HIVEP1: variants seen among roughly 807,000 people sequenced by gnomAD.
HIVEP1 encodes the protein HIVEP zinc finger 1.
Under a neutral mutation model 180.0 loss-of-function variants are expected in HIVEP1, and 36 were observed. The observed-to-expected ratio is 0.20, with a 90% CI of 0.15 to 0.26. The LOEUF (loss-of-function observed/expected upper bound fraction) is 0.26, where lower values mean the gene tolerates loss of function less well. Ranked by LOEUF, HIVEP1 falls within the 10% of genes least tolerant of loss-of-function variation. HIVEP1 has a pLI of 1.00. For missense variants in HIVEP1, 3,143 were observed against 3,268.7 expected (o/e 0.96, Z 0.94); for synonymous variants, 1,239 against 1,239.0 (o/e 1.00, Z 0.00).
downstream of HIVEP1, among the ~76,000 whole-genome samples, chr6:12,167,796 A>G (rs189463502): frequency 1.9e-3 from 267 of 144,282 alleles, 1 homozygote; most frequent in African/African-American, 6.6e-3. Context: ...TATAATATAT[A>G]CACATGTACA....
rs762706100 is a variant in HIVEP1 at position 12,123,069 on chromosome 6, C to T, written c.3274C>T (p.His1092Tyr). The change falls in exon 4 of 9, where the codon CAT becomes TAT. Residue 1092 changes from histidine (H) to tyrosine (Y), a missense_variant. By Grantham distance (83) the His-to-Tyr change is moderately conservative. Around this residue, in one of 12 missense-constraint regions of HIVEP1, gnomAD observed 1,357 missense variants for 1,260.5 expected, o/e 1.08. Transcript: ENST00000379388. The part of the protein sequence containing the change: ...QHKNIQLQNS[H>Y]IHLVARGPEQ... ...TAAAAATATACAGTTGCAAAACTCC[C>T]ATATTCACCTTGTTGCCAGGGGCCC... is the stretch of plus-strand genomic sequence containing the variant. The T allele has an allele frequency of 6.2e-7, 1 of 1,614,174 alleles. No individual in the cohort carries two copies. Among genetic ancestry groups the T allele is most frequent in the South Asian group, 1.1e-5 (1 of 91,082 alleles).
chr6:12,146,071 T>A (rs539521305), intron 7 of HIVEP1, among the ~76,000 whole-genome samples: 3 of 152,298 alleles, frequency 2.0e-5, no homozygotes, highest in South Asian at 2.1e-4. Flanking sequence ...AACCTTTTTT[T>A]AAAAAGGACA....
intron 2 of HIVEP1, among the ~76,000 whole-genome samples, chr6:12,081,628 C>G (rs1772794283): frequency 6.6e-6 from 1 of 152,120 alleles, no homozygotes; most frequent in South Asian, 2.1e-4. Context: ...CCTTGCCGCT[C>G]CACACCTCTT....
At chr6:12,179,750 C>T in the HIVEP1 span, among the ~76,000 whole-genome samples, 8 of 152,134 alleles carry the variant, frequency 5.3e-5, no homozygotes, top group Non-Finnish European at 1.2e-4. Context: ...ATGTAATACA[C>T]ATAAGCAAAA....
chr6:12,034,612 GGAGA>G (rs1769162764), intron 2 of HIVEP1, among the ~76,000 whole-genome samples: 2 of 152,206 alleles, frequency 1.3e-5, no homozygotes, highest in African/African-American at 4.8e-5. Flanking sequence ...GACTGGGAAA[GGAGA>G]ACAGTGTTTT....
At chr6:12,048,433 A>G (rs12210350) in intron 2 of HIVEP1, among the ~76,000 whole-genome samples, 36,416 of 152,136 alleles carry the variant, frequency 0.24, 4,893 homozygotes, top group East Asian at 0.57. Context: ...CCAATACTCT[A>G]CCTCTCTCCA....
intron 7 of HIVEP1, among the ~76,000 whole-genome samples, chr6:12,137,080 C>T (rs189221658): frequency 8.5e-5 from 13 of 152,196 alleles, no homozygotes; most frequent in Admixed American, 8.5e-4. Context: ...AATGAATCAG[C>T]CTGAATTTAC....
chr6:12,045,775 T>G (rs1312281366), intron 2 of HIVEP1, among the ~76,000 whole-genome samples: 3 of 152,258 alleles, frequency 2.0e-5, no homozygotes, highest in African/African-American at 7.2e-5. Flanking sequence ...AATTGCCTTA[T>G]AATTTTAACA....
Position 12,123,098 on chromosome 6 carries a change from G to A in HIVEP1, c.3303G>A (p.Glu1101=), listed in dbSNP as rs1757791718. Residue 1101 remains glutamate, a synonymous_variant, in exon 4 of 9, where the codon GAG becomes GAA. Transcript: ENST00000379388. Reference sequence around the variant, plus strand: ...TTCACCTTGTTGCCAGGGGCCCTGAGCAGACCATGGATCCCAAGCTGTCGA... The same window carrying A: ...TTCACCTTGTTGCCAGGGGCCCTGAACAGACCATGGATCCCAAGCTGTCGA... ...SHIHLVARGP[E]QTMDPKLSTI... The A allele has an allele frequency of 6.2e-7, 1 of 1,614,042 alleles. No homozygotes were observed. The highest frequency in any genetic ancestry group is 1.1e-5 in the South Asian group (1 of 91,084).
intron 2 of HIVEP1, among the ~76,000 whole-genome samples, chr6:12,039,713 G>A (rs1769543728): frequency 6.6e-6 from 1 of 152,310 alleles, no homozygotes; most frequent in South Asian, 2.1e-4. Context: ...CTCAGGGAAC[G>A]ACCTCATTGG....
rs1276641990 is a variant in HIVEP1 at position 12,164,175 on chromosome 6, A to T, written c.7871A>T (p.His2624Leu). The change falls in exon 9 of 9, where the codon CAT becomes CTT. Residue 2624 changes from histidine (H) to leucine (L), a missense_variant. By Grantham distance (99) the His-to-Leu change is moderately conservative (BLOSUM62 -3). Coordinates refer to ENST00000379388, the MANE Select transcript of HIVEP1 (RefSeq NM_002114.4). ...VLNPPAPAGD[H>L]ARLDGLSKMD... is the part of the protein sequence containing the mutation. ...AATCCACCTGCCCCTGCAGGTGACC[A>T]TGCAAGGCTTGATGGCCTGAGTAAA... The T allele has an allele frequency of 1.2e-6, 2 of 1,614,200 alleles. No individual in the cohort carries two copies. The highest frequency in any genetic ancestry group is 1.1e-5 in the South Asian group (1 of 91,084).
chr6:12,187,423 G>A, the HIVEP1 span, among the ~76,000 whole-genome samples: 2 of 151,896 alleles, frequency 1.3e-5, no homozygotes, highest in Admixed American at 6.6e-5. Context: ...GTTAAAGAGA[G>A]CCTGGCACCT....
upstream of HIVEP1, among the ~76,000 whole-genome samples, chr6:12,009,862 C>A (rs1021788862): frequency 1.3e-3 from 204 of 152,190 alleles, 2 homozygotes; most frequent in Non-Finnish European, 1.5e-4. Flanking sequence ...TATCGTAATT[C>A]GAAATTGCAT....
chr6:12,208,952 A>C, the HIVEP1 span, among the ~76,000 whole-genome samples: 1 of 152,190 alleles, frequency 6.6e-6, no homozygotes, highest in Non-Finnish European at 1.5e-5. Flanking sequence ...AGAGGGATTA[A>C]TCTCCTACTT....
intron 2 of HIVEP1, among the ~76,000 whole-genome samples, chr6:12,066,874 G>GTGTT (rs56981283): frequency 0.049 from 7,397 of 151,520 alleles, 233 homozygotes; most frequent in Middle Eastern, 0.14. Flanking sequence ...CACTGTGTGT[G>GTGTT]TGTGTGTGTA....
chr6:12,186,198 G>A, the HIVEP1 span, among the ~76,000 whole-genome samples: 1 of 151,658 alleles, frequency 6.6e-6, no homozygotes, highest in Non-Finnish European at 1.5e-5. Context: ...CAATGAAATT[G>A]TATATTCAGC....
intron 6 of HIVEP1, among the ~76,000 whole-genome samples, chr6:12,135,053 A>G (rs1397483018): frequency 6.6e-6 from 1 of 152,238 alleles, no homozygotes; most frequent in Non-Finnish European, 1.5e-5. Flanking sequence ...AAAAATTAAA[A>G]GGCCTTATGG....
intron 7 of HIVEP1, among the ~76,000 whole-genome samples, chr6:12,137,434 ATTG>A (rs1758766738): frequency 6.6e-6 from 1 of 152,154 alleles, no homozygotes; most frequent in African/African-American, 2.4e-5. Flanking sequence ...GTATTTATTC[ATTG>A]TTGTATTTTC....
In HIVEP1 at chr6:12,121,368, G is replaced by A. The variant is rs746447641; in HGVS notation, c.1573G>A (p.Ala525Thr). 2 of 1,614,134 alleles carry A rather than the reference G, an allele frequency of 1.2e-6. No individual in the cohort carries two copies. Among genetic ancestry groups the A allele is most frequent in the South Asian group, 1.1e-5 (1 of 91,084 alleles). Residue 525 changes from alanine to threonine, a missense_variant, in exon 4 of 9, where the codon GCT becomes ACT. This residue lies in a region of HIVEP1 where 365 missense variants were observed against 344.4 expected (regional missense o/e 1.06). Coordinates refer to ENST00000379388, the MANE Select transcript of HIVEP1 (RefSeq NM_002114.4). The surrounding 1 kb of genome is among the most constrained non-coding windows in gnomAD (Gnocchi z 5.3). ...GCACATAATAAAGAGGATGTCAAATGCTGAAACTTTACTAAAATCAAGCTT... is the reference window on the plus strand; with the variant it reads ...GCACATAATAAAGAGGATGTCAAATACTGAAACTTTACTAAAATCAAGCTT... ...PVHIIKRMSN[A>T]ETLLKSSFTP...
Sources: allele counts gnomAD v4.1 joint callset (sites outside exome capture counted in the v4.1 genomes callset), GRCh38; gene constraint gnomAD v4.1.1; regional missense constraint gnomAD v4.1.1; non-coding constraint Gnocchi (gnomAD v3.1); transcripts MANE v1.5; gene names NCBI Gene and HGNC (gene_info 2026-07-23, HGNC 2026-07-21).